Variants in ARPC3 observed in about 807,000 individuals in gnomAD.
ARPC3 encodes the protein actin related protein 2/3 complex subunit 3.
In ARPC3, 12 loss-of-function variants were observed where a neutral mutation model predicts 27.6. The observed-to-expected ratio is 0.43, with a 90% CI of 0.28 to 0.70. The LOEUF (loss-of-function observed/expected upper bound fraction) is 0.70. Among genes scored for constraint, ARPC3 ranks in the 30% least tolerant of loss-of-function variants. ARPC3 has a pLI of 0.17. For missense variants in ARPC3, 153 were observed against 207.7 expected (o/e 0.74, Z 1.62); for synonymous variants, 53 against 67.2 (o/e 0.79, Z 1.03).
chr12:110,442,330 G>A (rs12227893), intron 2 of ARPC3, among the ~76,000 whole-genome samples: 9,921 of 152,190 alleles, frequency 0.065, 500 homozygotes, highest in African/African-American at 0.14. Flanking sequence ...GTATTCAGTC[G>A]GGCGCAGTGG....
At chr12:110,445,683 G>A in intron 1 of ARPC3, 132 bp from the exon 2 acceptor site, 1 of 727,932 alleles carries the variant, frequency 1.4e-6, no homozygotes, top group Non-Finnish European at 2.5e-6. Flanking sequence ...AGGGATAGCA[G>A]CATTGAGGTG....
intron 1 of ARPC3, among the ~76,000 whole-genome samples, chr12:110,448,141 A>G (rs1273211505): frequency 6.6e-6 from 1 of 151,876 alleles, no homozygotes; most frequent in Non-Finnish European, 1.5e-5. Flanking sequence ...TGGCCTCCTA[A>G]AGTGTTGGGA....
chr12:110,438,984 G>A (rs1426784589), intron 3 of ARPC3, among the ~76,000 whole-genome samples: 1 of 150,954 alleles, frequency 6.6e-6, no homozygotes, highest in Non-Finnish European at 1.5e-5. Flanking sequence ...ATGAAATGTG[G>A]CAGAGTTTTT....
At chr12:110,441,818 G>A (rs1352351070) in intron 2 of ARPC3, among the ~76,000 whole-genome samples, 2 of 151,816 alleles carry the variant, frequency 1.3e-5, no homozygotes, top group Non-Finnish European at 2.9e-5. Flanking sequence ...ATCACCTGAG[G>A]TCAGGAGTTT....
At chr12:110,436,521 T>C (rs777502934) in intron 5 of ARPC3, 36 bp downstream of exon 5, 2 of 1,613,454 alleles carry the variant, frequency 1.2e-6, no homozygotes, top group Non-Finnish European at 8.5e-7. Flanking sequence ...GAAAATCTTC[T>C]TGTGTCACAG....
Position 110,435,194 on chromosome 12 carries a change from T to C in ARPC3, c.498A>G (p.Arg166=). The C allele has an allele frequency of 6.2e-7, 1 of 1,614,086 alleles. No individual in the cohort carries two copies. The highest frequency in any genetic ancestry group is 8.5e-7 in the Non-Finnish European group (1 of 1,179,972). Residue 166 remains arginine (R), a synonymous_variant, in exon 7 of 7, where the codon AGA becomes AGG. Coordinates refer to ENST00000228825, the MANE Select transcript of ARPC3 (RefSeq NM_001278556.2). ...CTGAAAGACTCTTGTTCATGAACTG[T>C]CTCTTCACAAAGCAAGTCCACCACT... ...PSKWWTCFVK[R]QFMNKSLSGP...
chr12:110,438,424 CCT>C (rs1422524401), intron 3 of ARPC3, among the ~76,000 whole-genome samples: 1 of 151,066 alleles, frequency 6.6e-6, no homozygotes, highest in Non-Finnish European at 1.5e-5. Context: ...GTGGTGAAAC[CCT>C]GTCCCTACCA....
chr12:110,445,292 T>C, intron 2 of ARPC3, 160 bp downstream of exon 2: 1 of 641,244 alleles, frequency 1.6e-6, no homozygotes. Flanking sequence ...ATGCAACATA[T>C]AACCACTATC....
chr12:110,438,530 C>T (rs1308687713), intron 3 of ARPC3, among the ~76,000 whole-genome samples: 4 of 149,290 alleles, frequency 2.7e-5, no homozygotes, highest in African/African-American at 9.8e-5. Flanking sequence ...ACCCGGGAGT[C>T]GAGGGTTGCA....
At chr12:110,442,177 T>G (rs1294980532) in intron 2 of ARPC3, among the ~76,000 whole-genome samples, 89 of 151,432 alleles carry the variant, frequency 5.9e-4, no homozygotes, top group Non-Finnish European at 5.9e-5. Flanking sequence ...AAAAAAAAAA[T>G]TTTTAATTGT....
intron 1 of ARPC3, among the ~76,000 whole-genome samples, chr12:110,449,376 A>T (rs895262639): frequency 2.0e-5 from 3 of 151,740 alleles, no homozygotes; most frequent in African/African-American, 7.3e-5. Context: ...AGCCTGGCCA[A>T]CATGGTGAAA....
chr12:110,447,861 G>A (rs2062474604), intron 1 of ARPC3, among the ~76,000 whole-genome samples: 2 of 150,348 alleles, frequency 1.3e-5, no homozygotes, highest in African/African-American at 2.4e-5. Flanking sequence ...ATGTGCGATT[G>A]GAACCAGTAC....
Position 110,436,715 on chromosome 12 carries a change from C to T in ARPC3, c.253-32G>A, listed in dbSNP as rs575927245. On this transcript the variant is annotated intron_variant, in intron 4 of 6. Coordinates refer to ENST00000228825, the MANE Select transcript of ARPC3 (RefSeq NM_001278556.2). ...AAAAAAATATATATATATATATACACACACACACACACACACACACACACA... is the reference window on the plus strand; with the variant it reads ...AAAAAAATATATATATATATATACATACACACACACACACACACACACACA... The T allele has an allele frequency of 1.1e-3, 422 of 381,306 alleles. 1 individual carries two copies. The highest frequency in any genetic ancestry group is 7.3e-3 in the African/African-American group (268 of 36,896). 23.6% of individuals were successfully genotyped at this position (381,306 alleles called of 1,614,324 possible). A position where few individuals can be genotyped will look rare whatever the true frequency, so the allele number is the denominator to read the frequency against.
chr12:110,447,836 A>T (rs1348126633), intron 1 of ARPC3, among the ~76,000 whole-genome samples: 2 of 151,834 alleles, frequency 1.3e-5, no homozygotes, highest in Non-Finnish European at 2.9e-5. Context: ...CAACAGAGTG[A>T]ATCCAGGGTG....
chr12:110,436,593 C>T lies in ARPC3; in HGVS notation c.343G>A (p.Ala115Thr), dbSNP rs770613931. Residue 115 changes from alanine to threonine, a missense_variant, in exon 5 of 7, where the codon GCA (alanine) becomes ACA (threonine). Physicochemically the swap from Ala to Thr is moderately conservative, Grantham distance 58. Transcript: ENST00000228825. ...IPGEPGFPLN[A>T]IYAKPANKQE... The stretch of plus-strand genomic sequence containing the variant: ...TTGTTTGCAGGTTTGGCATAAATTG[C>T]GTTAAGTGGAAAACCAGGCTCTCCA... 2.4e-5 allele frequency: 38 copies of T among 1,612,964 alleles called. No individual in the cohort carries two copies. The highest frequency in any genetic ancestry group is 6.7e-5 in the East Asian group (3 of 44,858).
chr12:110,450,150 G>T, intron 1 of ARPC3, 105 bp downstream of exon 1: 1 of 1,514,048 alleles, frequency 6.6e-7, no homozygotes. Context: ...TCGGGCCCCA[G>T]CTTCCTCTCT....
chr12:110,444,272 T>C (rs370385402), intron 2 of ARPC3, among the ~76,000 whole-genome samples: 1 of 151,138 alleles, frequency 6.6e-6, no homozygotes, highest in South Asian at 2.1e-4. Context: ...CGCCTGGCCT[T>C]TGCAGTGAAA....
At position 110,437,071 on chromosome 12, in the gene ARPC3, C is replaced by T; in HGVS notation, c.252+13G>A. 6.4e-7 allele frequency: 1 copy of T among 1,557,440 alleles called. No individual in the cohort carries two copies. The highest frequency in any genetic ancestry group is 8.9e-7 in the Non-Finnish European group (1 of 1,128,682). On this transcript the variant is annotated intron_variant, in intron 4 of 6. Coordinates refer to ENST00000228825, the MANE Select transcript of ARPC3 (RefSeq NM_001278556.2). ...TTTGTTTTCCTGATATACAATCATC[C>T]AAGTTTAATTACCTTTTGCAGTTTC... is the stretch of plus-strand genomic sequence containing the variant.
chr12:110,440,839 C>T (rs1164255149), intron 2 of ARPC3, among the ~76,000 whole-genome samples: 3 of 139,494 alleles, frequency 2.2e-5, no homozygotes, highest in Non-Finnish European at 4.6e-5. Flanking sequence ...AGCCACCGTG[C>T]CCAGCCTTTG....
Sources: allele counts gnomAD v4.1 joint callset (sites outside exome capture counted in the v4.1 genomes callset), GRCh38; gene constraint gnomAD v4.1.1; transcripts MANE v1.5; gene names NCBI Gene and HGNC (gene_info 2026-07-23, HGNC 2026-07-21).